The following LAMA2 variants were observed in gnomAD, a reference collection of about 807,000 sequenced individuals.
The protein encoded by LAMA2 is laminin subunit alpha 2.
LAMA2 carries 269 observed loss-of-function variants against 364.8 expected under a neutral mutation model. The observed-to-expected ratio is 0.74, with a 90% CI of 0.67 to 0.82. LAMA2 has a LOEUF of 0.82. Ranked by LOEUF, LAMA2 falls within the 40% of genes least tolerant of loss-of-function variation. The pLI, the probability that LAMA2 is intolerant of heterozygous loss-of-function variation, is 0.00. For missense variants in LAMA2, 3,807 were observed against 3,873.2 expected, an observed-to-expected ratio of 0.98 and a Z score of 0.45; for synonymous variants, 1,379 against 1,370.6, an observed-to-expected ratio of 1.01 and a Z score of -0.14.
intron 22 of LAMA2, among the ~76,000 whole-genome samples, chr6:129,305,997 C>G (rs975614061): frequency 6.6e-6 from 1 of 151,914 alleles, no homozygotes; most frequent in African/African-American, 2.4e-5. Context: ...TTACATTTAG[C>G]GTAAGAACCT....
intron 1 of LAMA2, among the ~76,000 whole-genome samples, chr6:128,934,730 A>G (rs1209191449): frequency 1.3e-5 from 2 of 152,086 alleles, no homozygotes; most frequent in African/African-American, 4.8e-5. Flanking sequence ...GCTGGTCTCA[A>G]ACTCCTGACC....
At chr6:129,035,837 T>C (rs6936526) in intron 1 of LAMA2, among the ~76,000 whole-genome samples, 3,779 of 152,206 alleles carry the variant, frequency 0.025, 145 homozygotes, top group African/African-American at 0.087. Flanking sequence ...TTGCCTTATG[T>C]GCCATTTTTA....
intron 22 of LAMA2, among the ~76,000 whole-genome samples, chr6:129,301,229 C>T (rs1051588522): frequency 3.9e-5 from 6 of 152,054 alleles, no homozygotes; most frequent in Non-Finnish European, 7.4e-5. Flanking sequence ...ATAGAAATTG[C>T]CCCTGAATTA....
intron 1 of LAMA2, among the ~76,000 whole-genome samples, chr6:129,027,715 A>G (rs1372479524): frequency 1.3e-5 from 2 of 151,888 alleles, no homozygotes; most frequent in African/African-American, 4.8e-5. Flanking sequence ...AGACTTATGG[A>G]GAATAATTTA....
intron 29 of LAMA2, among the ~76,000 whole-genome samples, chr6:129,336,362 A>G (rs1267365401): frequency 6.6e-6 from 1 of 152,238 alleles, no homozygotes; most frequent in Non-Finnish European, 1.5e-5. Flanking sequence ...TACTGTATAT[A>G]TAATATCTGA....
At chr6:129,123,463 C>A (rs1362173993) in intron 4 of LAMA2, among the ~76,000 whole-genome samples, 1 of 151,826 alleles carries the variant, frequency 6.6e-6, no homozygotes, top group African/African-American at 2.4e-5. Flanking sequence ...TCACAATAGT[C>A]AAGATATGGA....
chr6:129,142,091 A>G (rs1194673072), intron 4 of LAMA2, among the ~76,000 whole-genome samples: 1 of 152,038 alleles, frequency 6.6e-6, no homozygotes, highest in East Asian at 1.9e-4. Context: ...ATGCAGATAT[A>G]CAATTTATTT....
chr6:128,922,148 A>C (rs1162300119), intron 1 of LAMA2, among the ~76,000 whole-genome samples: 5 of 152,214 alleles, frequency 3.3e-5, no homozygotes, highest in Admixed American at 2.6e-4. Flanking sequence ...TGCTATTGTG[A>C]AAAATGCCAC....
In LAMA2 at chr6:129,402,396, CAAGAAATAAAGG is replaced by C; in HGVS notation, c.5637_5648del (p.Gln1879_Asp1883delinsHis). On this transcript the variant is annotated inframe_deletion, in exon 39 of 65. Coordinates refer to ENST00000421865, the MANE Select transcript of LAMA2 (RefSeq NM_000426.4). ...TAATGATAAAATAGATGACCTCTCC[CAAGAAATAAAGG>C]ACAGGAAGCTTGCTGAGAAGGTGTC... 1 of 1,613,918 alleles carries C rather than the reference CAAGAAATAAAGG, an allele frequency of 6.2e-7. No homozygotes were observed. The highest frequency in any genetic ancestry group is 1.1e-5 in the South Asian group (1 of 91,074).
At position 129,165,750 on chromosome 6, in the gene LAMA2, A is replaced by C. The variant is rs1020220773; in HGVS notation, c.1306+75A>C. The C allele has an allele frequency of 4.4e-6, 4 of 909,240 alleles. No homozygotes were observed. In the African/African-American group the frequency reaches 6.5e-5, roughly 15 times the overall value. 56.3% of individuals were successfully genotyped at this position (909,240 alleles called of 1,614,324 possible). On this transcript the variant is annotated intron_variant, in intron 9 of 64. Transcript: ENST00000421865. Reference sequence around the variant, plus strand: ...GCCAAATATGATTATTTTCAGAAGAATATTTTGCAGTAAATGTTATTCATG... The same window carrying C: ...GCCAAATATGATTATTTTCAGAAGACTATTTTGCAGTAAATGTTATTCATG...
At chr6:128,987,517 T>A (rs1783340830) in intron 1 of LAMA2, among the ~76,000 whole-genome samples, 1 of 152,186 alleles carries the variant, frequency 6.6e-6, no homozygotes, top group African/African-American at 2.4e-5. Context: ...GTCAAATTCT[T>A]CTTTGGGAGT....
intron 34 of LAMA2, among the ~76,000 whole-genome samples, chr6:129,380,904 G>T (rs183557269): frequency 2.2e-4 from 34 of 152,248 alleles, no homozygotes; most frequent in African/African-American, 6.7e-4. Context: ...CTACGTAAAT[G>T]AAATAACCTG....
At chr6:129,449,739 CTCTT>C (rs1220287766) in intron 45 of LAMA2, among the ~76,000 whole-genome samples, 1 of 151,256 alleles carries the variant, frequency 6.6e-6, no homozygotes, top group African/African-American at 2.4e-5. Context: ...AATGGCTTCT[CTCTT>C]AGACTTGGAG....
intron 28 of LAMA2, among the ~76,000 whole-genome samples, chr6:129,326,758 TATATATA>T (rs1200441170): frequency 6.9e-6 from 1 of 144,874 alleles, no homozygotes; most frequent in Non-Finnish European, 1.5e-5. Flanking sequence ...ATATAATTTA[TATATATA>T]ATATATAATT....
intron 4 of LAMA2, among the ~76,000 whole-genome samples, chr6:129,126,752 A>G (rs1777138705): frequency 6.6e-6 from 1 of 152,216 alleles, no homozygotes; most frequent in African/African-American, 2.4e-5. Context: ...TTTCAAGCAT[A>G]TATCATAGTG....
rs1777326733 is a variant in LAMA2, at chr6:128,904,916, A to C, written c.112+21559A>C. ...TAGACTTCTTGTGTATGTGTGGGAG[A>C]TAACAGAATAACGTCTCTTTTCCAA... On this transcript the variant is annotated intron_variant, in intron 1 of 64. Coordinates refer to ENST00000421865, the MANE Select transcript of LAMA2 (RefSeq NM_000426.4). Among the ~76,000 whole-genome samples the C allele has an allele frequency of 2.0e-5, 3 of 152,302 alleles. No homozygotes were observed. The South Asian group carries it at 6.2e-4, about 32-fold the overall frequency.
intron 51 of LAMA2, among the ~76,000 whole-genome samples, chr6:129,468,282 T>G (rs1783643560): frequency 6.6e-6 from 1 of 151,856 alleles, no homozygotes; most frequent in African/African-American, 2.4e-5. Context: ...GACTGGGAAC[T>G]TCTACCTTCT....
intron 37 of LAMA2, among the ~76,000 whole-genome samples, chr6:129,395,619 A>T (rs1010942466): frequency 6.6e-6 from 1 of 152,206 alleles, no homozygotes; most frequent in Non-Finnish European, 1.5e-5. Flanking sequence ...ACCATCTCTG[A>T]TTACTTCAAG....
At chr6:129,445,959 G>A in intron 45 of LAMA2, 138 bp downstream of exon 45, 3 of 791,946 alleles carry the variant, frequency 3.8e-6, no homozygotes, top group Non-Finnish European at 6.3e-6. Flanking sequence ...TGGGGTAGGA[G>A]GGGTTGGAGT....
Sources: gnomAD v4.1 joint callset for allele counts (sites outside exome capture counted in the v4.1 genomes callset) on GRCh38, gnomAD v4.1.1 for gene constraint, MANE v1.5 for transcripts, NCBI Gene and HGNC (gene_info 2026-07-23, HGNC 2026-07-21) for gene names.